The following GRID2 variants were observed in gnomAD, a reference collection of about 807,000 sequenced individuals.
The protein encoded by GRID2 is glutamate receptor ionotropic, delta-2.
A neutral mutation model predicts 114.8 loss-of-function variants in GRID2; 33 were observed. That is an observed-to-expected ratio of 0.29 (90% CI 0.22 to 0.38). GRID2 has a LOEUF of 0.38. Among genes scored for constraint, GRID2 ranks in the 10% least tolerant of loss-of-function variants. GRID2 has a pLI of 1.00. For synonymous variants in GRID2, 505 were observed against 449.9 expected, an observed-to-expected ratio of 1.12 and a Z score of -1.55; for missense variants, 1,184 against 1,257.7, an observed-to-expected ratio of 0.94 and a Z score of 0.89.
At chr4:93,457,555 A>G (rs1723320071) in intron 11 of GRID2, among the ~76,000 whole-genome samples, 1 of 152,184 alleles carries the variant, frequency 6.6e-6, no homozygotes, top group Non-Finnish European at 1.5e-5. Flanking sequence ...AATAGATTGA[A>G]AAAAGGCAAT....
chr4:92,684,470 C>A (rs1579838340), intron 2 of GRID2, among the ~76,000 whole-genome samples: 1 of 152,016 alleles, frequency 6.6e-6, no homozygotes, highest in South Asian at 2.1e-4. Context: ...TCTCTTTCTC[C>A]TCTGCCCCTC....
chr4:92,707,596 A>C (rs1032678725), intron 2 of GRID2, among the ~76,000 whole-genome samples: 8 of 152,206 alleles, frequency 5.3e-5, no homozygotes, highest in Admixed American at 2.0e-4. Context: ...GATTTATTTT[A>C]TACAGTTCTA....
At chr4:92,365,966 A>G (rs1378736419) in intron 1 of GRID2, among the ~76,000 whole-genome samples, 1 of 152,040 alleles carries the variant, frequency 6.6e-6, no homozygotes, top group Admixed American at 6.6e-5. Flanking sequence ...TATTTCAAAG[A>G]ATTGCTGTAA....
intron 2 of GRID2, among the ~76,000 whole-genome samples, chr4:92,663,202 A>G (rs1211347829): frequency 6.6e-6 from 1 of 151,130 alleles, no homozygotes; most frequent in Non-Finnish European, 1.5e-5. Flanking sequence ...ATATGAAATG[A>G]CAAGAGTAAT....
intron 8 of GRID2, among the ~76,000 whole-genome samples, chr4:93,383,445 C>G (rs1318474531): frequency 1.3e-5 from 2 of 152,132 alleles, no homozygotes; most frequent in Non-Finnish European, 1.5e-5. Flanking sequence ...TCAAAAGTAA[C>G]CATAATTTTC....
chr4:93,669,910 C>A (rs1404843730), intron 14 of GRID2, among the ~76,000 whole-genome samples: 1 of 152,084 alleles, frequency 6.6e-6, no homozygotes, highest in Non-Finnish European at 1.5e-5. Flanking sequence ...TTTTTCAGAG[C>A]ACCACTTGCT....
At chr4:92,812,059 C>T (rs1740687835) in intron 2 of GRID2, among the ~76,000 whole-genome samples, 1 of 152,086 alleles carries the variant, frequency 6.6e-6, no homozygotes, top group African/African-American at 2.4e-5. Context: ...ATAACATGTG[C>T]CAAAAAGGCT....
At chr4:93,736,401 G>A (rs1225776875) in intron 14 of GRID2, among the ~76,000 whole-genome samples, 1 of 151,974 alleles carries the variant, frequency 6.6e-6, no homozygotes, top group African/African-American at 2.4e-5. Context: ...CAAGAAATTG[G>A]ACCAAATAGA....
intron 6 of GRID2, among the ~76,000 whole-genome samples, chr4:93,219,064 C>A (rs895823566): frequency 6.6e-6 from 1 of 151,910 alleles, no homozygotes; most frequent in African/African-American, 2.4e-5. Flanking sequence ...CACAGCCAAA[C>A]CATATCAATA....
At chr4:93,224,338 C>T (rs1187099959) in intron 6 of GRID2, among the ~76,000 whole-genome samples, 1 of 152,178 alleles carries the variant, frequency 6.6e-6, no homozygotes, top group African/African-American at 2.4e-5. Context: ...CTAACACTAA[C>T]AGCCTTATCT....
chr4:92,353,187 A>T (rs949572875), intron 1 of GRID2, among the ~76,000 whole-genome samples: 1 of 150,850 alleles, frequency 6.6e-6, no homozygotes, highest in Non-Finnish European at 1.5e-5. Context: ...TATAATTTTT[A>T]TCTCTTTACT....
At chr4:92,342,109 T>G (rs1369652779) in intron 1 of GRID2, among the ~76,000 whole-genome samples, 1 of 152,108 alleles carries the variant, frequency 6.6e-6, no homozygotes, top group Non-Finnish European at 1.5e-5. Context: ...TCCAAGTTGC[T>G]ATGCTCAGGG....
intron 2 of GRID2, among the ~76,000 whole-genome samples, chr4:92,847,929 T>C (rs1743461352): frequency 1.3e-5 from 2 of 152,040 alleles, no homozygotes; most frequent in South Asian, 4.1e-4. Context: ...ATTCAGTGTA[T>C]ATGTATATAA....
intron 10 of GRID2, among the ~76,000 whole-genome samples, chr4:93,444,291 TA>T (rs1721891371): frequency 6.6e-6 from 1 of 151,942 alleles, no homozygotes; most frequent in African/African-American, 2.4e-5. Flanking sequence ...ATTGTTCCTA[TA>T]AGGACTTTAA....
intron 2 of GRID2, among the ~76,000 whole-genome samples, chr4:92,897,735 A>C (rs1362328267): frequency 6.6e-6 from 1 of 152,190 alleles, no homozygotes; most frequent in Non-Finnish European, 1.5e-5. Flanking sequence ...GCTGGAACAC[A>C]ACGAAAAAAG....
At chr4:93,509,699 T>C (rs1017027996) in intron 12 of GRID2, among the ~76,000 whole-genome samples, 1 of 152,202 alleles carries the variant, frequency 6.6e-6, no homozygotes, top group Non-Finnish European at 1.5e-5. Flanking sequence ...TGCTCAGTGC[T>C]GGTCAGTTGG....
intron 8 of GRID2, among the ~76,000 whole-genome samples, chr4:93,355,645 A>C (rs1761262161): frequency 6.6e-6 from 1 of 152,100 alleles, no homozygotes; most frequent in Non-Finnish European, 1.5e-5. Flanking sequence ...CTTCTTTATC[A>C]GGAGAAGTAA....
intron 1 of GRID2, among the ~76,000 whole-genome samples, chr4:92,341,691 C>T (rs1017035571): frequency 3.9e-5 from 6 of 151,918 alleles, no homozygotes; most frequent in Non-Finnish European, 5.9e-5. Flanking sequence ...GAGGCCGAGG[C>T]GGGCGGATCA....
chr4:93,227,102 C>T (rs1156509459), intron 7 of GRID2, among the ~76,000 whole-genome samples: 1 of 152,166 alleles, frequency 6.6e-6, no homozygotes, highest in African/African-American at 2.4e-5. Flanking sequence ...GCAGCAGCAG[C>T]TTCAAAGACT....
Sources: allele counts gnomAD v4.1 joint callset (sites outside exome capture counted in the v4.1 genomes callset), GRCh38; gene constraint gnomAD v4.1.1; transcripts MANE v1.5; gene names NCBI Gene and HGNC (gene_info 2026-07-23, HGNC 2026-07-21).